Variants in PCDH7 observed in about 807,000 individuals in gnomAD.
PCDH7 encodes protocadherin 7.
Under a neutral mutation model 58.9 loss-of-function variants are expected in PCDH7, and 17 were observed. That is an observed-to-expected ratio of 0.29 (90% CI 0.20 to 0.43). The LOEUF (loss-of-function observed/expected upper bound fraction) is 0.43, where lower values mean the gene tolerates loss of function less well. Among genes scored for constraint, PCDH7 ranks in the 20% least tolerant of loss-of-function variants. The probability of loss-of-function intolerance (pLI) is 1.00; values close to 1 mark genes in which losing one functional copy is unlikely to be tolerated. For synonymous variants in PCDH7, 664 were observed against 616.4 expected, an observed-to-expected ratio of 1.08 and a Z score of -1.14; for missense variants, 1,274 against 1,441.0, an observed-to-expected ratio of 0.88 and a Z score of 1.88.
intron 1 of PCDH7, among the ~76,000 whole-genome samples, chr4:30,862,111 A>T (rs1360441809): frequency 3.3e-5 from 5 of 152,168 alleles, no homozygotes; most frequent in Non-Finnish European, 7.4e-5. Flanking sequence ...CTAGCTTCCA[A>T]AATCCTCTGA....
intron 2 of PCDH7, among the ~76,000 whole-genome samples, chr4:30,928,586 A>G (rs186809148): frequency 6.6e-6 from 1 of 152,306 alleles, no homozygotes; most frequent in African/African-American, 2.4e-5. Flanking sequence ...ACTTAATTAT[A>G]ATGAAAAAAT....
intron 3 of PCDH7, among the ~76,000 whole-genome samples, chr4:30,957,759 G>A (rs9995382): frequency 0.015 from 2,334 of 152,158 alleles, 51 homozygotes; most frequent in African/African-American, 0.052. Context: ...GAGTCTTTTA[G>A]TATATATCCA....
At chr4:30,847,164 A>G (rs1433636403) in intron 1 of PCDH7, among the ~76,000 whole-genome samples, 2 of 152,010 alleles carry the variant, frequency 1.3e-5, no homozygotes, top group African/African-American at 4.8e-5. Context: ...GCATTTTTTT[A>G]AAAAAGGTTT....
chr4:31,027,768 A>G (rs1754558840), intron 3 of PCDH7, among the ~76,000 whole-genome samples: 2 of 152,220 alleles, frequency 1.3e-5, no homozygotes, highest in Non-Finnish European at 2.9e-5. Flanking sequence ...TTTCCTATAT[A>G]CAAGTATATT....
chr4:31,038,096 A>G (rs970987424), intron 3 of PCDH7, among the ~76,000 whole-genome samples: 6 of 152,258 alleles, frequency 3.9e-5, no homozygotes, highest in African/African-American at 1.4e-4. Context: ...TGGCTAAGGC[A>G]GAGATCTTGT....
intron 1 of PCDH7, among the ~76,000 whole-genome samples, chr4:30,790,236 G>T (rs748432537): frequency 6.6e-5 from 10 of 152,154 alleles, no homozygotes; most frequent in Non-Finnish European, 1.3e-4. Context: ...ATTCTGTAGA[G>T]GCGATATATT....
intron 3 of PCDH7, among the ~76,000 whole-genome samples, chr4:31,084,639 G>C (rs757532413): frequency 7.2e-6 from 1 of 138,318 alleles, no homozygotes; most frequent in Non-Finnish European, 1.5e-5. Context: ...TGTCACATAA[G>C]GAAAGCAGGA....
chr4:31,062,956 G>T (rs1409667832), intron 3 of PCDH7, among the ~76,000 whole-genome samples: 2 of 151,802 alleles, frequency 1.3e-5, no homozygotes, highest in Non-Finnish European at 2.9e-5. Context: ...ATGCAGTATA[G>T]CTAGTATAAC....
intron 3 of PCDH7, among the ~76,000 whole-genome samples, chr4:30,982,773 A>G (rs1442384334): frequency 1.3e-5 from 2 of 152,074 alleles, no homozygotes; most frequent in Non-Finnish European, 2.9e-5. Context: ...TTTCCGTTGT[A>G]TGATCTCTTC....
intron 1 of PCDH7, among the ~76,000 whole-genome samples, chr4:30,906,172 A>G (rs889994189): frequency 2.0e-5 from 3 of 152,208 alleles, no homozygotes; most frequent in Admixed American, 6.5e-5. Flanking sequence ...GAATTTCTCA[A>G]TAAGTGAACA....
At chr4:31,024,466 A>G (rs996580392) in intron 3 of PCDH7, among the ~76,000 whole-genome samples, 6 of 152,164 alleles carry the variant, frequency 3.9e-5, no homozygotes, top group African/African-American at 9.7e-5. Context: ...CTATTTACGA[A>G]ATACAGAACT....
intron 2 of PCDH7, among the ~76,000 whole-genome samples, chr4:30,948,078 T>G (rs977686244): frequency 8.1e-5 from 11 of 136,120 alleles, no homozygotes; most frequent in African/African-American, 3.4e-4. Context: ...TCATTTTATA[T>G]TGCTTATTAC....
chr4:30,956,772 C>G (rs1306344808), intron 3 of PCDH7, among the ~76,000 whole-genome samples: 2 of 152,190 alleles, frequency 1.3e-5, no homozygotes, highest in East Asian at 1.9e-4. Flanking sequence ...TTCAGAGTAA[C>G]CAAATTTACT....
At chr4:31,116,664 T>C (rs1717023464) in intron 3 of PCDH7, among the ~76,000 whole-genome samples, 1 of 152,132 alleles carries the variant, frequency 6.6e-6, no homozygotes, top group African/African-American at 2.4e-5. Context: ...TACAGGAAGT[T>C]GAGTAGGATA....
intron 1 of PCDH7, among the ~76,000 whole-genome samples, chr4:30,870,284 T>C (rs2109361478): frequency 6.6e-6 from 1 of 152,238 alleles, no homozygotes; most frequent in East Asian, 1.9e-4. Flanking sequence ...AGCTCTTTAG[T>C]ATAATTAGAT....
intron 3 of PCDH7, among the ~76,000 whole-genome samples, chr4:30,969,543 A>C (rs1027080859): frequency 6.6e-6 from 1 of 152,196 alleles, no homozygotes; most frequent in Non-Finnish European, 1.5e-5. Context: ...GAGGTTGTCC[A>C]AATATAGAAG....
intron 3 of PCDH7, among the ~76,000 whole-genome samples, chr4:31,068,382 G>C (rs1408536386): frequency 6.6e-6 from 1 of 151,816 alleles, no homozygotes; most frequent in Middle Eastern, 3.2e-3. Context: ...CATTGTTGCT[G>C]TACAAAAATT....
chr4:31,071,772 T>C (rs1206607973), intron 3 of PCDH7, among the ~76,000 whole-genome samples: 1 of 152,006 alleles, frequency 6.6e-6, no homozygotes, highest in African/African-American at 2.4e-5. Flanking sequence ...ATTCCTTTTG[T>C]TCTTTTCAAA....
intron 1 of PCDH7, among the ~76,000 whole-genome samples, chr4:30,821,271 A>G (rs964028207): frequency 6.6e-6 from 1 of 151,992 alleles, no homozygotes; most frequent in Non-Finnish European, 1.5e-5. Context: ...AAAATCACCT[A>G]AAGTGTTGTT....
Sources: gnomAD v4.1 joint callset for allele counts (sites outside exome capture counted in the v4.1 genomes callset) on GRCh38, gnomAD v4.1.1 for gene constraint, MANE v1.5 for transcripts, NCBI Gene and HGNC (gene_info 2026-07-23, HGNC 2026-07-21) for gene names.